Variants in GPR15LG observed in about 807,000 individuals in gnomAD.
GPR15LG encodes the protein G protein-coupled receptor 15 ligand.
the GPR15LG span, chr10:84,184,857 C>T: frequency 6.4e-7 from 1 of 1,562,804 alleles, no homozygotes; most frequent in Non-Finnish European, 8.6e-7. Context: ...TCAGCCTTCA[C>T]AGCAGTGAGC....
chr10:84,181,435 G>T, the GPR15LG span, among the ~76,000 whole-genome samples: 43 of 152,104 alleles, frequency 2.8e-4, no homozygotes, highest in African/African-American at 1.0e-3. Context: ...TTTTGTTGTT[G>T]TTTTTTAAGA....
At chr10:84,178,420 C>T in the GPR15LG span, among the ~76,000 whole-genome samples, 1 of 151,806 alleles carries the variant, frequency 6.6e-6, no homozygotes, top group Admixed American at 6.6e-5. Context: ...CAAACACATA[C>T]CACACAACTA....
the GPR15LG span, chr10:84,184,921 A>T: frequency 6.7e-7 from 1 of 1,482,218 alleles, no homozygotes; most frequent in South Asian, 1.3e-5. Context: ...AAAGTTCCAG[A>T]ACTCCACGTC....
chr10:84,184,932 C>A, the GPR15LG span: 1 of 1,468,980 alleles, frequency 6.8e-7, no homozygotes, highest in South Asian at 1.3e-5. Flanking sequence ...ACTCCACGTC[C>A]TTGTCTCAAT....
At chr10:84,174,318 G>A in the GPR15LG span, among the ~76,000 whole-genome samples, 7 of 152,016 alleles carry the variant, frequency 4.6e-5, no homozygotes, top group Admixed American at 3.3e-4. Context: ...TTAATTAGTA[G>A]ACCATCTAAG....
the GPR15LG span, among the ~76,000 whole-genome samples, chr10:84,177,920 G>A: frequency 6.6e-6 from 1 of 152,084 alleles, no homozygotes; most frequent in Non-Finnish European, 1.5e-5. Flanking sequence ...GGGGGTGTGT[G>A]AGCCCCCACC....
At chr10:84,174,163 G>A in the GPR15LG span, among the ~76,000 whole-genome samples, 4,251 of 152,260 alleles carry the variant, frequency 0.028, 106 homozygotes, top group Middle Eastern at 0.075. Flanking sequence ...TAAGTAAAGT[G>A]GTGTGTTCGC....
the GPR15LG span, chr10:84,184,583 G>A: frequency 4.1e-6 from 5 of 1,215,324 alleles, no homozygotes; most frequent in South Asian, 6.3e-5. Context: ...GTTTGAAAAT[G>A]CAACTTAATT....
chr10:84,173,805 C>A, the GPR15LG span: 1 of 1,389,132 alleles, frequency 7.2e-7, no homozygotes, highest in Non-Finnish European at 1.0e-6. Flanking sequence ...GGGAGGACTT[C>A]TGCAGCACAG....
the GPR15LG span, among the ~76,000 whole-genome samples, chr10:84,182,399 T>C: frequency 2.0e-5 from 3 of 152,222 alleles, no homozygotes; most frequent in East Asian, 1.9e-4. Flanking sequence ...AGTCTACAGG[T>C]CAGCTGGATA....
the GPR15LG span, among the ~76,000 whole-genome samples, chr10:84,178,277 AACAG>A: frequency 6.6e-6 from 1 of 151,214 alleles, no homozygotes; most frequent in Non-Finnish European, 1.5e-5. Flanking sequence ...CAACTACACA[AACAG>A]ACACACACTA....
chr10:84,180,488 G>A, the GPR15LG span, among the ~76,000 whole-genome samples: 220 of 151,986 alleles, frequency 1.4e-3, 1 homozygote, highest in Admixed American at 2.8e-3. Context: ...CAACTCAGAT[G>A]GGGCGGTGGG....
At chr10:84,179,671 A>G in the GPR15LG span, among the ~76,000 whole-genome samples, 1 of 152,284 alleles carries the variant, frequency 6.6e-6, no homozygotes, top group East Asian at 1.9e-4. Flanking sequence ...TATGACACAC[A>G]CTTGCTGAAT....
the GPR15LG span, chr10:84,184,993 C>G: frequency 5.1e-6 from 7 of 1,377,178 alleles, 2 homozygotes; most frequent in African/African-American, 8.9e-5. Flanking sequence ...CCCACAGGGC[C>G]TCAGTCGCCA....
the GPR15LG span, among the ~76,000 whole-genome samples, chr10:84,182,528 C>A: frequency 6.6e-6 from 1 of 152,206 alleles, no homozygotes; most frequent in Non-Finnish European, 1.5e-5. Flanking sequence ...TCGGTTGGAA[C>A]AACTAGCCTC....
At chr10:84,175,492 A>G in the GPR15LG span, among the ~76,000 whole-genome samples, 1 of 152,336 alleles carries the variant, frequency 6.6e-6, no homozygotes, top group South Asian at 2.1e-4. Context: ...AGACATTTAG[A>G]TAGTTCACAA....
the GPR15LG span, among the ~76,000 whole-genome samples, chr10:84,176,306 A>G: frequency 6.6e-6 from 1 of 151,716 alleles, no homozygotes; most frequent in Non-Finnish European, 1.5e-5. Context: ...CAACATTGTT[A>G]TTTCTGAAAA....
chr10:84,183,798 A>G, the GPR15LG span, among the ~76,000 whole-genome samples: 3 of 152,058 alleles, frequency 2.0e-5, no homozygotes, highest in African/African-American at 7.2e-5. Context: ...GGCGTGCGCC[A>G]CCATGCCTGG....
chr10:84,173,922 G>T, the GPR15LG span: 1 of 1,609,958 alleles, frequency 6.2e-7, no homozygotes, highest in Non-Finnish European at 8.5e-7. Context: ...TCCACAGAAG[G>T]TAGGGCAGCC....
Sources: allele counts gnomAD v4.1 joint callset (sites outside exome capture counted in the v4.1 genomes callset), GRCh38; gene constraint gnomAD v4.1.1; transcripts MANE v1.5; gene names NCBI Gene and HGNC (gene_info 2026-07-23, HGNC 2026-07-21).